The following FER variants were observed in gnomAD, a reference collection of about 807,000 sequenced individuals.
FER encodes the protein FER tyrosine kinase, also known as tyrosine-protein kinase Fer.
A neutral mutation model predicts 111.0 loss-of-function variants in FER; 63 were observed. The observed-to-expected ratio is 0.57, with a 90% CI of 0.46 to 0.70. The LOEUF (loss-of-function observed/expected upper bound fraction) is 0.70. Among genes scored for constraint, FER ranks in the 30% least tolerant of loss-of-function variants. FER has a pLI of 0.00. For synonymous variants in FER, 327 were observed against 313.9 expected (o/e 1.04, Z -0.44); for missense variants, 914 against 954.0 (o/e 0.96, Z 0.55).
At chr5:108,884,635 T>TATAC in intron 9 of FER, among the ~76,000 whole-genome samples, 1 of 152,012 alleles carries the variant, frequency 6.6e-6, no homozygotes, top group East Asian at 1.9e-4. Context: ...ACTTTTAAAA[T>TATAC]ATACTTAAGT....
intron 16 of FER, among the ~76,000 whole-genome samples, chr5:109,087,874 A>G (rs1359063010): frequency 6.6e-6 from 1 of 151,918 alleles, no homozygotes; most frequent in Non-Finnish European, 1.5e-5. Context: ...TATAGTAATT[A>G]TTACCTGAAT....
At chr5:108,788,239 G>C (rs1195299672) in intron 2 of FER, among the ~76,000 whole-genome samples, 5 of 152,230 alleles carry the variant, frequency 3.3e-5, no homozygotes, top group Non-Finnish European at 5.9e-5. Context: ...CACAGAGCCA[G>C]CGCCTGTGCT....
chr5:109,036,003 T>A (rs556057529), intron 13 of FER, among the ~76,000 whole-genome samples: 2 of 152,316 alleles, frequency 1.3e-5, no homozygotes, highest in South Asian at 4.1e-4. Context: ...CTGGGTTCTT[T>A]GTTTTGTTGT....
intron 17 of FER, among the ~76,000 whole-genome samples, chr5:109,123,212 G>T (rs1409000811): frequency 6.9e-6 from 1 of 145,516 alleles, no homozygotes; most frequent in East Asian, 2.0e-4. Context: ...CTGTAGTGCA[G>T]TGGTGCAATC....
At position 108,832,754 on chromosome 5, in the gene FER, T is replaced by G. The variant is rs73207541; in HGVS notation, c.208-16T>G. On this transcript the variant is annotated splice_polypyrimidine_tract_variant and intron_variant, in intron 3 of 19. Transcript: ENST00000281092. ...CTTTAATGCAAATGTTTGTTTCTTT[T>G]TTTTTTTTTTTTAAGTCTTGGCTAC... 1,169 of 1,422,326 alleles carry G rather than the reference T, an allele frequency of 8.2e-4. 11 individuals carry two copies. The African/African-American group carries it at 0.016, about 19-fold the overall frequency. 88.1% of individuals were successfully genotyped at this position (1,422,326 alleles called of 1,614,324 possible). A position where few individuals can be genotyped will look rare whatever the true frequency, so the allele number is the denominator to read the frequency against.
At chr5:109,027,409 TTG>T (rs1248895271) in intron 13 of FER, among the ~76,000 whole-genome samples, 2 of 152,202 alleles carry the variant, frequency 1.3e-5, no homozygotes, top group Non-Finnish European at 2.9e-5. Context: ...TATTTCAGTT[TTG>T]AATGTTGGGG....
chr5:108,770,548 C>G (rs769774907), intron 2 of FER, among the ~76,000 whole-genome samples: 1 of 152,078 alleles, frequency 6.6e-6, no homozygotes, highest in Admixed American at 6.6e-5. Context: ...AATCACAGCT[C>G]ATTGCAGCCT....
intron 17 of FER, among the ~76,000 whole-genome samples, chr5:109,102,373 A>T (rs1430201047): frequency 6.6e-6 from 1 of 152,062 alleles, no homozygotes; most frequent in African/African-American, 2.4e-5. Context: ...CGGGTTTGAC[A>T]AATAGGTTTC....
At position 109,024,529 on chromosome 5, in the gene FER, G is replaced by A. The variant is rs1261573418; in HGVS notation, c.1657-12893G>A. On this transcript the variant is annotated intron_variant, in intron 13 of 19. Coordinates refer to ENST00000281092, the MANE Select transcript of FER (RefSeq NM_005246.4). ...ACTGGGGACAGTGCCAAGCCCATCTGATAGAGACCCCTTCTTCATAATGGC... is the reference window on the plus strand; with the variant it reads ...ACTGGGGACAGTGCCAAGCCCATCTAATAGAGACCCCTTCTTCATAATGGC... 2.6e-5 allele frequency among the ~76,000 whole-genome samples: 4 copies of A among 152,116 alleles called. No homozygotes were observed. The East Asian group carries it at 5.8e-4, about 22-fold the overall frequency.
chr5:108,873,248 A>T (rs1764773344), intron 8 of FER, among the ~76,000 whole-genome samples: 1 of 152,010 alleles, frequency 6.6e-6, no homozygotes, highest in Non-Finnish European at 1.5e-5. Flanking sequence ...AGTTCAAATG[A>T]TTCTCATGCC....
At chr5:108,797,675 T>C (rs1294640843) in intron 2 of FER, among the ~76,000 whole-genome samples, 1 of 152,248 alleles carries the variant, frequency 6.6e-6, no homozygotes, top group Non-Finnish European at 1.5e-5. Flanking sequence ...CTTTCAGCGA[T>C]AGGAAGTTAA....
intron 13 of FER, among the ~76,000 whole-genome samples, chr5:108,974,149 T>C (rs1761028487): frequency 6.6e-6 from 1 of 152,176 alleles, no homozygotes; most frequent in Non-Finnish European, 1.5e-5. Flanking sequence ...TTATATTAGG[T>C]ACTGAGGATA....
intron 13 of FER, among the ~76,000 whole-genome samples, chr5:108,980,179 A>G (rs1301330955): frequency 6.6e-6 from 1 of 152,176 alleles, no homozygotes; most frequent in Non-Finnish European, 1.5e-5. Flanking sequence ...GAGTGAGATC[A>G]AAAGGATGAA....
chr5:108,767,001 T>C (rs1271155828), intron 1 of FER, among the ~76,000 whole-genome samples: 6 of 152,182 alleles, frequency 3.9e-5, no homozygotes, highest in African/African-American at 1.4e-4. Context: ...TTTGGCATAC[T>C]GAAGCCTATG....
chr5:109,154,219 C>G (rs1376630969), intron 17 of FER, among the ~76,000 whole-genome samples: 3 of 151,880 alleles, frequency 2.0e-5, no homozygotes, highest in Non-Finnish European at 2.9e-5. Context: ...TCATGGATAG[C>G]TATAACAGTT....
At chr5:109,187,186 T>TACATCAGACTTTCTGAGAAATG (rs1758972610) in intron 19 of FER, among the ~76,000 whole-genome samples, 1 of 152,254 alleles carries the variant, frequency 6.6e-6, no homozygotes, top group Non-Finnish European at 1.5e-5. Context: ...TATTGTATCT[T>TACATCAGACTTTCTGAGAAATG]ACATCAGACT....
chr5:108,907,500 G>C (rs1413319066), intron 10 of FER, among the ~76,000 whole-genome samples: 1 of 151,818 alleles, frequency 6.6e-6, no homozygotes, highest in African/African-American at 2.4e-5. Context: ...TTATCATCTT[G>C]TTCAGGCTGG....
chr5:108,868,667 G>A (rs1026437027), intron 6 of FER, among the ~76,000 whole-genome samples: 1 of 152,086 alleles, frequency 6.6e-6, no homozygotes, highest in Non-Finnish European at 1.5e-5. Flanking sequence ...TATGAGTAGG[G>A]TTGAAGAATG....
chr5:108,986,260 C>T (rs967018954), intron 13 of FER, among the ~76,000 whole-genome samples: 15 of 148,994 alleles, frequency 1.0e-4, no homozygotes, highest in Admixed American at 8.0e-4. Flanking sequence ...CTATTCATGT[C>T]GTTAGCCCAC....
Sources: gnomAD v4.1 joint callset for allele counts (sites outside exome capture counted in the v4.1 genomes callset) on GRCh38, gnomAD v4.1.1 for gene constraint, MANE v1.5 for transcripts, NCBI Gene and HGNC (gene_info 2026-07-23, HGNC 2026-07-21) for gene names.